Variants in AIG1 observed in about 807,000 individuals in gnomAD.
AIG1 encodes the protein androgen induced 1.
A neutral mutation model predicts 31.4 loss-of-function variants in AIG1; 23 were observed. That is an observed-to-expected ratio of 0.73 (90% CI 0.53 to 1.04). The LOEUF (loss-of-function observed/expected upper bound fraction) is 1.04. AIG1 is among the 50% of genes least tolerant of loss of function. The probability of loss-of-function intolerance (pLI) is 0.00; values close to 1 mark genes in which losing one functional copy is unlikely to be tolerated. For missense variants in AIG1, 274 were observed against 295.0 expected, an observed-to-expected ratio of 0.93 and a Z score of 0.52; for synonymous variants, 100 against 110.5, an observed-to-expected ratio of 0.90 and a Z score of 0.60.
chr6:143,097,735 G>A (rs1307525300), intron 1 of AIG1, among the ~76,000 whole-genome samples: 1 of 152,120 alleles, frequency 6.6e-6, no homozygotes, highest in Non-Finnish European at 1.5e-5. Context: ...CTTCATATTA[G>A]CCAAAGGGCA....
chr6:143,314,647 C>T (rs1287650586), intron 4 of AIG1, among the ~76,000 whole-genome samples: 2 of 152,068 alleles, frequency 1.3e-5, no homozygotes, highest in African/African-American at 4.8e-5. Flanking sequence ...ATAAAACTCT[C>T]ACAAAAGAAA....
At chr6:143,079,619 A>G (rs76612715) in intron 1 of AIG1, among the ~76,000 whole-genome samples, 1 of 152,146 alleles carries the variant, frequency 6.6e-6, no homozygotes, top group Non-Finnish European at 1.5e-5. Context: ...TTTTACACTT[A>G]AAATATTTTA....
chr6:143,198,853 C>T (rs555444085), intron 3 of AIG1, among the ~76,000 whole-genome samples: 21 of 152,290 alleles, frequency 1.4e-4, no homozygotes, highest in Admixed American at 5.9e-4. Context: ...GTCTAAGAAA[C>T]GTCGTCTGTA....
chr6:143,265,969 C>T (rs1796123949), intron 3 of AIG1, among the ~76,000 whole-genome samples: 1 of 152,202 alleles, frequency 6.6e-6, no homozygotes, highest in African/African-American at 2.4e-5. Context: ...AAATGTCATT[C>T]AGTGGCATTT....
chr6:143,295,286 C>G (rs1207301300), intron 4 of AIG1, among the ~76,000 whole-genome samples: 2 of 152,188 alleles, frequency 1.3e-5, no homozygotes, highest in Non-Finnish European at 2.9e-5. Context: ...CTCCTCTCAA[C>G]CACTGCTAGA....
rs75153992 is a variant in AIG1, at chr6:143,264,885, T to A, written c.400-19225T>A. On this transcript the variant is annotated intron_variant, in intron 3 of 5. Coordinates refer to ENST00000357847, the MANE Select transcript of AIG1 (RefSeq NM_016108.4). ...AGAAGGATGCGTTTTCCTTTTTATT[T>A]ATGCCACCCATGTTAACCTTGAGGC... 4.7e-3 allele frequency among the ~76,000 whole-genome samples: 714 copies of A among 152,340 alleles called. 7 individuals are homozygous for A. Among genetic ancestry groups the A allele is most frequent in the African/African-American group, 0.016 (684 of 41,568 alleles).
chr6:143,218,454 C>T (rs1792203455), intron 3 of AIG1, among the ~76,000 whole-genome samples: 1 of 152,206 alleles, frequency 6.6e-6, no homozygotes, highest in Non-Finnish European at 1.5e-5. Context: ...TGTTTCCCAT[C>T]GTTACTGTTC....
upstream of AIG1, among the ~76,000 whole-genome samples, chr6:143,059,836 G>A (rs979089353): frequency 2.0e-5 from 3 of 152,214 alleles, no homozygotes; most frequent in Non-Finnish European, 4.4e-5. Context: ...ATCCGAACCT[G>A]CAACTGGTTG....
At chr6:143,343,800 GT>G (rs1199492835), downstream of AIG1, among the ~76,000 whole-genome samples, 3 of 152,262 alleles carry the variant, frequency 2.0e-5, no homozygotes, top group Middle Eastern at 3.4e-3. Flanking sequence ...ATGGGGGCTT[GT>G]TCTATGGATT....
In AIG1 at chr6:143,331,063, GAATGCCTCTTTGCTGTAAGATTGTTCCTC is replaced by G. The variant is rs1323731145; in HGVS notation, c.516-2215_516-2187del. ...TGAGACTGACCTGGACAGACCTAGA[GAATGCCTCTTTGCTGTAAGATTGTTCCTC>G]AATCTTTCTTTCATTACTACTTCCC... On this transcript the variant is annotated intron_variant, in intron 4 of 5. Transcript: ENST00000357847. The surrounding 1 kb of genome is among the most constrained non-coding windows in gnomAD (Gnocchi z 4.1). 6.6e-6 allele frequency among the ~76,000 whole-genome samples: 1 copy of G among 152,046 alleles called. No homozygotes were observed. Among genetic ancestry groups the G allele is most frequent in the Non-Finnish European group, 1.5e-5 (1 of 68,010 alleles).
chr6:143,239,285 G>T (rs1747858909), intron 3 of AIG1, among the ~76,000 whole-genome samples: 1 of 152,184 alleles, frequency 6.6e-6, no homozygotes, highest in African/African-American at 2.4e-5. Flanking sequence ...GGGCAATCAA[G>T]TCCAGTGGAA....
chr6:143,102,549 T>G (rs928169010), intron 1 of AIG1, among the ~76,000 whole-genome samples: 33 of 147,524 alleles, frequency 2.2e-4, no homozygotes, highest in Non-Finnish European at 4.0e-4. Context: ...ATATAGTATA[T>G]AAAAGATAAT....
At chr6:143,197,203 T>G (rs533009809) in intron 3 of AIG1, among the ~76,000 whole-genome samples, 7 of 152,256 alleles carry the variant, frequency 4.6e-5, no homozygotes, top group African/African-American at 1.7e-4. Context: ...TGTAGGACAG[T>G]AATCCAAGGC....
At chr6:143,089,416 C>G (rs56299540) in intron 1 of AIG1, among the ~76,000 whole-genome samples, 2 of 151,992 alleles carry the variant, frequency 1.3e-5, no homozygotes, top group South Asian at 4.2e-4. Context: ...TTGGGGTGAG[C>G]TTATTACCTT....
chr6:143,302,006 G>A (rs1021129650), intron 4 of AIG1, among the ~76,000 whole-genome samples: 3 of 152,144 alleles, frequency 2.0e-5, no homozygotes, highest in Non-Finnish European at 2.9e-5. Context: ...ATAACCCTCC[G>A]TTGTCTTATA....
intron 3 of AIG1, among the ~76,000 whole-genome samples, chr6:143,253,957 T>C (rs1795188527): frequency 1.3e-5 from 2 of 152,224 alleles, no homozygotes; most frequent in Non-Finnish European, 2.9e-5. Flanking sequence ...CATCAAAGAC[T>C]GACCCTTTCT....
intron 4 of AIG1, among the ~76,000 whole-genome samples, chr6:143,314,363 A>C (rs1260643825): frequency 6.6e-6 from 1 of 151,912 alleles, no homozygotes; most frequent in Non-Finnish European, 1.5e-5. Flanking sequence ...GAAAGAGAGA[A>C]AGAGAGAGAA....
intron 3 of AIG1, among the ~76,000 whole-genome samples, chr6:143,234,390 T>C (rs1018654532): frequency 6.6e-6 from 1 of 152,158 alleles, no homozygotes; most frequent in East Asian, 1.9e-4. Context: ...AGAAATAGAT[T>C]AGAGTGATGA....
At chr6:143,095,266 A>G (rs1172432117) in intron 1 of AIG1, among the ~76,000 whole-genome samples, 1 of 152,196 alleles carries the variant, frequency 6.6e-6, no homozygotes, top group Admixed American at 6.5e-5. Flanking sequence ...AAACTATAGT[A>G]ATTAGAAAAA....
Sources: gnomAD v4.1 joint callset for allele counts (sites outside exome capture counted in the v4.1 genomes callset) on GRCh38, gnomAD v4.1.1 for gene constraint, Gnocchi (gnomAD v3.1) non-coding constraint, MANE v1.5 for transcripts, NCBI Gene and HGNC (gene_info 2026-07-23, HGNC 2026-07-21) for gene names.